The following TCF3 variants were observed in gnomAD, a reference collection of about 807,000 sequenced individuals.
TCF3 encodes the protein transcription factor E2-alpha.
A neutral mutation model predicts 72.3 loss-of-function variants in TCF3; 54 were observed. The ratio of observed to expected loss-of-function variants is 0.75; its 90% CI spans 0.60 to 0.94. TCF3 has a LOEUF of 0.94. TCF3 is among the 40% of genes least tolerant of loss of function. The pLI is 0.00. For synonymous variants in TCF3, 525 were observed against 412.6 expected, an observed-to-expected ratio of 1.27 and a Z score of -3.30; for missense variants, 1,078 against 934.4, an observed-to-expected ratio of 1.15 and a Z score of -2.00.
At chr19:1,627,298 A>T in intron 6 of TCF3, 61 bp downstream of exon 6, 2 of 1,435,204 alleles carry the variant, frequency 1.4e-6, no homozygotes, top group Non-Finnish European at 1.9e-6. Flanking sequence ...CAGATCAGAG[A>T]GGGTGGGTGA....
chr19:1,619,035 T>G, intron 16 of TCF3, 76 bp downstream of exon 16: 1 of 1,590,824 alleles, frequency 6.3e-7, no homozygotes, highest in African/African-American at 1.3e-5. Flanking sequence ...GCTCCCACCC[T>G]GACCCCCACC....
intron 2 of TCF3, 102 bp downstream of exon 2, chr19:1,650,075 G>A (rs2066771921): frequency 1.8e-5 from 21 of 1,177,586 alleles, no homozygotes; most frequent in Non-Finnish European, 2.3e-5. Context: ...AACAGCTGAG[G>A]CTCCATCGCT....
intron 2 of TCF3, among the ~76,000 whole-genome samples, chr19:1,649,570 C>G (rs1327727254): frequency 6.6e-6 from 1 of 152,206 alleles, no homozygotes; most frequent in African/African-American, 2.4e-5. Context: ...ACCACCACTC[C>G]TAGCTAATTT....
Position 1,625,569 on chromosome 19 carries a change from C to A in TCF3, c.499+7G>T, listed in dbSNP as rs537528466. 1 of 1,578,194 alleles carries A rather than the reference C, an allele frequency of 6.3e-7. No homozygotes were observed. Among genetic ancestry groups the A allele is most frequent in the Admixed American group, 1.8e-5 (1 of 55,494 alleles). On this transcript the variant is annotated splice_region_variant and intron_variant, in intron 7 of 18. Coordinates refer to ENST00000262965, the MANE Select transcript of TCF3 (RefSeq NM_003200.5). ...AGCCCCCGATGCCCCGGCCAGACCC[C>A]GCTCACCTAGGCTGCCGTCTGCCGC... is the stretch of plus-strand genomic sequence containing the variant.
rs146143026 is a variant in TCF3 at position 1,619,309 on chromosome 19, C to A, written c.1326+7G>T. On this transcript the variant is annotated splice_region_variant and intron_variant, in intron 15 of 18. Transcript: ENST00000262965. ...ACTGCCCAGCTCCACCCTCGCCCAGCGCTCACCAGGCCTGCGTGCCGCCCG... is the reference window on the plus strand; with the variant it reads ...ACTGCCCAGCTCCACCCTCGCCCAGAGCTCACCAGGCCTGCGTGCCGCCCG... 1,536 of 1,569,516 alleles carry A rather than the reference C, an allele frequency of 9.8e-4. 17 individuals carry two copies. In the East Asian group the frequency reaches 0.024, roughly 25 times the overall value.
intron 6 of TCF3, 64 bp from the exon 7 acceptor site, chr19:1,625,772 A>C: frequency 7.0e-7 from 1 of 1,429,062 alleles, no homozygotes; most frequent in South Asian, 1.4e-5. Flanking sequence ...TGTTCCATTC[A>C]AGAAAAAACT....
At chr19:1,644,930 C>T (rs2065859327) in intron 3 of TCF3, among the ~76,000 whole-genome samples, 1 of 152,130 alleles carries the variant, frequency 6.6e-6, no homozygotes, top group Non-Finnish European at 1.5e-5. Context: ...CTGCCTCACA[C>T]AGGGAAGCAT....
chr19:1,619,802 T>C lies in TCF3; in HGVS notation c.1145A>G (p.Tyr382Cys), dbSNP rs889282369. The C allele has an allele frequency of 4.5e-6, 7 of 1,564,936 alleles. No homozygotes were observed. The Admixed American group carries it at 7.5e-5, about 17-fold the overall frequency. ...CACCAGGCCGTGGAGACCCCCGTCG[T>C]AGCTGGGCGATAAGGCACCGGGGGC... is the stretch of plus-strand genomic sequence containing the variant. ...AGAPGALSPS[Y>C]DGGLHGLQSK... Residue 382 changes from tyrosine to cysteine, a missense_variant, in exon 14 of 19, where the codon TAC (tyrosine) becomes TGC (cysteine). Tyr to Cys is a radical substitution (Grantham distance 194). Transcript: ENST00000262965.
At position 1,639,304 on chromosome 19, in the gene TCF3, A is replaced by G. The variant is rs572303597; in HGVS notation, c.146-6899T>C. The stretch of plus-strand genomic sequence containing the variant: ...GAAGATCCACCTGCCTTGGCCTCCC[A>G]AAGTGCTGGGATTACAGGCATGAGC... On this transcript the variant is annotated intron_variant, in intron 3 of 18. Coordinates refer to ENST00000262965, the MANE Select transcript of TCF3 (RefSeq NM_003200.5). Among the ~76,000 whole-genome samples, 92 of 152,330 alleles carry G rather than the reference A, an allele frequency of 6.0e-4. 3 individuals carry two copies. In the South Asian group the frequency reaches 0.018, roughly 30 times the overall value.
chr19:1,636,949 C>G (rs2064500442), intron 3 of TCF3, among the ~76,000 whole-genome samples: 1 of 152,190 alleles, frequency 6.6e-6, no homozygotes, highest in Non-Finnish European at 1.5e-5. Flanking sequence ...ACACACCACC[C>G]TAAGAGTGGG....
chr19:1,647,916 A>G (rs910806820), intron 2 of TCF3, among the ~76,000 whole-genome samples: 2 of 152,188 alleles, frequency 1.3e-5, no homozygotes, highest in African/African-American at 4.8e-5. Context: ...CCAAAAGCCC[A>G]TGGGAGTCTC....
In TCF3 at chr19:1,625,726, G is replaced by A. The variant is rs1216019382; in HGVS notation, c.367-18C>T. ...AAGCCAGCCTGGTGGGGAGCGGATGGTCAGAAAGCGCCCAGCTGGCATCCA... is the reference window on the plus strand; with the variant it reads ...AAGCCAGCCTGGTGGGGAGCGGATGATCAGAAAGCGCCCAGCTGGCATCCA... On this transcript the variant is annotated intron_variant, in intron 6 of 18. Coordinates refer to ENST00000262965, the MANE Select transcript of TCF3 (RefSeq NM_003200.5). 9 of 1,481,556 alleles carry A rather than the reference G, an allele frequency of 6.1e-6. No individual in the cohort carries two copies. The Admixed American group carries it at 1.2e-4, about 19-fold the overall frequency. 91.8% of individuals were successfully genotyped at this position (1,481,556 alleles called of 1,614,324 possible).
chr19:1,627,110 G>A (rs1420629236), intron 6 of TCF3, among the ~76,000 whole-genome samples: 2 of 152,174 alleles, frequency 1.3e-5, no homozygotes, highest in Non-Finnish European at 2.9e-5. Context: ...ACTCAGAGGA[G>A]AGGGCAACCG....
chr19:1,632,333 C>A lies in TCF3; in HGVS notation c.218G>T (p.Arg73Leu). 1 of 1,583,756 alleles carries A rather than the reference C, an allele frequency of 6.3e-7. No individual in the cohort carries two copies. Among genetic ancestry groups the A allele is most frequent in the East Asian group, 2.3e-5 (1 of 43,614 alleles). The part of the protein sequence containing the change: ...DQSSSSFDPS[R>L]TFSEGTHFTE... ...CTCAGGCCTCACGGGGACTCCTACC[C>A]GGCTGGGGTCAAAGGAGGAGCTGCT... The change falls in exon 4 of 19, where the codon CGG becomes CTG. Residue 73 changes from arginine to leucine, a missense_variant and splice_region_variant. Physicochemically the swap from Arg to Leu is moderately radical, Grantham distance 102 (BLOSUM62 -2). Transcript: ENST00000262965.
chr19:1,635,956 G>A lies in TCF3; in HGVS notation c.146-3551C>T, dbSNP rs539101131. 2.2e-4 allele frequency among the ~76,000 whole-genome samples: 34 copies of A among 152,240 alleles called. No homozygotes were observed. In the South Asian group the frequency reaches 3.1e-3, roughly 14 times the overall value. On this transcript the variant is annotated intron_variant, in intron 3 of 18. Transcript: ENST00000262965. ...CTATGACCCCCCAAGCCCGTGCCTC[G>A]CCCCGTCTCTTCTTCCTCCTTATAA... is the stretch of plus-strand genomic sequence containing the variant.
In TCF3 at chr19:1,615,511, C is replaced by T. The variant is rs755799169; in HGVS notation, c.1596G>A (p.Glu532=). The change falls in exon 18 of 19, where the codon GAG becomes GAA. Residue 532 remains glutamate (E), a synonymous_variant. Transcript: ENST00000262965. The surrounding 1 kb of genome is among the most constrained non-coding windows in gnomAD (Gnocchi z 7.3). ...CTGGGGGGAGAAGGTCGTCCTCGTCCTCGTCTGGGCTATGGGGAGGGCGCC... is the reference window on the plus strand; with the variant it reads ...CTGGGGGGAGAAGGTCGTCCTCGTCTTCGTCTGGGCTATGGGGAGGGCGCC... ...KAPRARTSPD[E]DEDDLLPPEQ... The T allele has an allele frequency of 6.2e-7, 1 of 1,608,196 alleles. No homozygotes were observed. Among genetic ancestry groups the T allele is most frequent in the Non-Finnish European group, 8.5e-7 (1 of 1,179,776 alleles).
Position 1,620,884 on chromosome 19 carries a change from G to C in TCF3, c.1093+84C>G, listed in dbSNP as rs190947326. 1.8e-3 allele frequency: 2,248 copies of C among 1,248,988 alleles called. 51 individuals carry two copies. The African/African-American group carries it at 0.034, about 19-fold the overall frequency. 77.4% of individuals were successfully genotyped at this position (1,248,988 alleles called of 1,614,324 possible). On this transcript the variant is annotated intron_variant, in intron 13 of 18. Transcript: ENST00000262965. ...CACCAGAACCAGCCTCCCCTCCCCC[G>C]CAAAGCCTTCACAGACCTCAGCCTC...
chr19:1,627,506 A>G, intron 5 of TCF3, 80 bp from the exon 6 acceptor site: 1 of 1,303,250 alleles, frequency 7.7e-7, no homozygotes, highest in Admixed American at 1.9e-5. Flanking sequence ...CCATGTGCCT[A>G]CAATAGGCTC....
chr19:1,639,979 G>A (rs770433422), intron 3 of TCF3, among the ~76,000 whole-genome samples: 4 of 152,084 alleles, frequency 2.6e-5, no homozygotes, highest in Non-Finnish European at 4.4e-5. Flanking sequence ...GATCAATATC[G>A]ATTTGCCAAT....
Sources: allele counts gnomAD v4.1 joint callset (sites outside exome capture counted in the v4.1 genomes callset), GRCh38; gene constraint gnomAD v4.1.1; non-coding constraint Gnocchi (gnomAD v3.1); transcripts MANE v1.5; gene names NCBI Gene and HGNC (gene_info 2026-07-23, HGNC 2026-07-21).